FABP6: variants seen among roughly 807,000 people sequenced by gnomAD.
FABP6 encodes the protein gastrotropin.
In FABP6, 13 loss-of-function variants were observed where a neutral mutation model predicts 14.9. The ratio of observed to expected loss-of-function variants is 0.87; its 90% confidence interval spans 0.57 to 1.39. The LOEUF (loss-of-function observed/expected upper bound fraction) is 1.39. FABP6 is among the 40% of genes most tolerant of loss of function. FABP6 has a pLI of 0.00. For missense variants in FABP6, 161 were observed against 167.2 expected (o/e 0.96, Z 0.20); for synonymous variants, 75 against 63.6 (o/e 1.18, Z -0.85).
chr5:160,193,137 G>A lies in FABP6; in HGVS notation c.-59+5683G>A, dbSNP rs6885700. Among the ~76,000 whole-genome samples the A allele has an allele frequency of 6.4e-3, 979 of 152,268 alleles. 9 individuals carry two copies. Among genetic ancestry groups the A allele is most frequent in the African/African-American group, 0.023 (943 of 41,558 alleles). On this transcript the variant is annotated intron_variant, in intron 1 of 6. Transcript: ENST00000393980. ...AGTGTTACAGCTCTTAAGGTGGCACGTCTGGAGTTTGTTCCTTCTGATGTT... is the reference window on the plus strand; with the variant it reads ...AGTGTTACAGCTCTTAAGGTGGCACATCTGGAGTTTGTTCCTTCTGATGTT...
intron 1 of FABP6, among the ~76,000 whole-genome samples, chr5:160,188,577 C>T (rs568839143): frequency 7.9e-5 from 12 of 152,304 alleles, no homozygotes; most frequent in Non-Finnish European, 1.6e-4. Context: ...ACCGACCCTC[C>T]GGGGACCCCG....
At chr5:160,219,885 T>TG (rs1159799265) in intron 3 of FABP6, among the ~76,000 whole-genome samples, 1 of 152,110 alleles carries the variant, frequency 6.6e-6, no homozygotes, top group Non-Finnish European at 1.5e-5. Context: ...ACCAGAATTT[T>TG]GGGGGGTCAG....
At chr5:160,233,368 T>A (rs1285307715) in intron 2 of FABP6, among the ~76,000 whole-genome samples, 4 of 152,050 alleles carry the variant, frequency 2.6e-5, no homozygotes, top group Non-Finnish European at 5.9e-5. Context: ...TTTGAAACCA[T>A]GATTTCCCAC....
intron 3 of FABP6, among the ~76,000 whole-genome samples, chr5:160,214,104 T>C (rs1450213941): frequency 1.6e-5 from 2 of 122,990 alleles, no homozygotes; most frequent in South Asian, 5.4e-4. Flanking sequence ...TCTTTCTTTC[T>C]TTCTTTCTTT....
chr5:160,203,700 T>C (rs1395955742), intron 2 of FABP6, among the ~76,000 whole-genome samples: 2 of 141,176 alleles, frequency 1.4e-5, no homozygotes, highest in Admixed American at 1.4e-4. Context: ...AGATATTATA[T>C]TTCTTTTTTT....
At chr5:160,189,476 C>A (rs1380693452) in intron 1 of FABP6, among the ~76,000 whole-genome samples, 1 of 152,174 alleles carries the variant, frequency 6.6e-6, no homozygotes, top group Non-Finnish European at 1.5e-5. Context: ...CTCCTGACCT[C>A]AGGTGATCCA....
At chr5:160,216,770 A>G (rs1760021169) in intron 3 of FABP6, among the ~76,000 whole-genome samples, 1 of 152,194 alleles carries the variant, frequency 6.6e-6, no homozygotes, top group Admixed American at 6.5e-5. Flanking sequence ...GGATTATTAC[A>G]GCCCTCTCAG....
chr5:160,233,854 A>G (rs1760447530), intron 2 of FABP6, among the ~76,000 whole-genome samples: 1 of 150,054 alleles, frequency 6.7e-6, no homozygotes, highest in Admixed American at 6.8e-5. Context: ...CCTGGGCAAC[A>G]GGGCGAGGCT....
intron 1 of FABP6, among the ~76,000 whole-genome samples, chr5:160,229,854 T>G (rs1428470240): frequency 9.6e-6 from 1 of 104,320 alleles, no homozygotes; most frequent in Admixed American, 1.2e-4. Flanking sequence ...TTATTTTATT[T>G]TATTTTATTT....
At chr5:160,208,603 T>TA (rs1759818920) in intron 2 of FABP6, among the ~76,000 whole-genome samples, 1 of 152,082 alleles carries the variant, frequency 6.6e-6, no homozygotes, top group Non-Finnish European at 1.5e-5. Context: ...ATTAAAGGAT[T>TA]AATGGGTTAT....
intron 3 of FABP6, among the ~76,000 whole-genome samples, chr5:160,238,171 T>C (rs1342008829): frequency 3.3e-5 from 5 of 152,166 alleles, no homozygotes; most frequent in Non-Finnish European, 7.4e-5. Context: ...GGACTGTATC[T>C]TCCCATCACC....
intron 2 of FABP6, among the ~76,000 whole-genome samples, chr5:160,203,604 C>A (rs1248875174): frequency 2.0e-5 from 3 of 152,092 alleles, no homozygotes; most frequent in Admixed American, 1.3e-4. Flanking sequence ...ATCAAGCAAT[C>A]CTTCTGCCTT....
At chr5:160,225,703 C>G (rs1253028852), upstream of FABP6, among the ~76,000 whole-genome samples, 1 of 152,068 alleles carries the variant, frequency 6.6e-6, no homozygotes, top group Non-Finnish European at 1.5e-5. Context: ...CCTGGCCCAA[C>G]CTGACAGCTT....
chr5:160,227,340 G>A (rs572606177), upstream of FABP6, among the ~76,000 whole-genome samples: 101 of 152,142 alleles, frequency 6.6e-4, 4 homozygotes, highest in South Asian at 0.021. Flanking sequence ...TTTGAGACCA[G>A]CCTGGCCAAC....
chr5:160,222,949 G>A (rs976889059), intron 3 of FABP6, among the ~76,000 whole-genome samples: 1 of 152,146 alleles, frequency 6.6e-6, no homozygotes, highest in African/African-American at 2.4e-5. Flanking sequence ...TCACTTGACT[G>A]TAGTTCATAG....
At chr5:160,200,525 TC>T (rs1407754324) in intron 2 of FABP6, among the ~76,000 whole-genome samples, 1 of 151,846 alleles carries the variant, frequency 6.6e-6, no homozygotes, top group Non-Finnish European at 1.5e-5. Flanking sequence ...AGATTCTCCT[TC>T]CTCAGCCTCC....
chr5:160,222,188 G>A (rs1028714509), intron 3 of FABP6, among the ~76,000 whole-genome samples: 1 of 150,550 alleles, frequency 6.6e-6, no homozygotes, highest in Non-Finnish European at 1.5e-5. Flanking sequence ...AGTCTCCCAG[G>A]TGTAAGTGAT....
chr5:160,213,849 T>G, intron 3 of FABP6: 10 of 1,554,152 alleles, frequency 6.4e-6, no homozygotes, highest in Non-Finnish European at 8.9e-6. Context: ...AGGGAAGGGT[T>G]CCTGACGTTT....
intron 2 of FABP6, among the ~76,000 whole-genome samples, chr5:160,232,639 G>A (rs1030743569): frequency 6.6e-6 from 1 of 152,148 alleles, no homozygotes; most frequent in African/African-American, 2.4e-5. Context: ...GCTCATGCCT[G>A]TAATCCCAGC....
Sources: gnomAD v4.1 joint callset for allele counts (sites outside exome capture counted in the v4.1 genomes callset) on GRCh38, gnomAD v4.1.1 for gene constraint, MANE v1.5 for transcripts, NCBI Gene and HGNC (gene_info 2026-07-23, HGNC 2026-07-21) for gene names.